Variants in AARS2 observed in about 807,000 individuals in gnomAD.
AARS2 encodes alanine--tRNA ligase, mitochondrial.
Under a neutral mutation model 119.7 loss-of-function variants are expected in AARS2, and 78 were observed. The observed-to-expected ratio is 0.65, with a 90% CI of 0.54 to 0.79. The LOEUF is 0.79. Ranked by LOEUF, AARS2 falls within the 30% of genes least tolerant of loss-of-function variation. The probability of loss-of-function intolerance (pLI) is 0.00; values close to 1 mark genes in which losing one functional copy is unlikely to be tolerated. For missense variants in AARS2, 1,157 were observed against 1,291.3 expected (o/e 0.90, Z 1.59); for synonymous variants, 502 against 526.3 (o/e 0.95, Z 0.63).
chr6:44,310,941 C>T, intron 4 of AARS2, 53 bp downstream of exon 4: 2 of 1,610,732 alleles, frequency 1.2e-6, no homozygotes, highest in Admixed American at 1.7e-5. Flanking sequence ...TTCTAATTGC[C>T]ACCTTTCCCA....
At position 44,313,205 on chromosome 6, in the gene AARS2, G is replaced by A. The variant is rs778971317; in HGVS notation, c.119C>T (p.Ser40Leu). ...LSSEPPAAKA[S>L]AVRAAFLNFF... ...GTTCAGAAAGGCGGCCCTCACGGCC[G>A]AGGCCTTGGCTGCAGGGGGCTCCGA... The change falls in exon 1 of 22, where the codon TCG becomes TTG. Residue 40 changes from serine (S) to leucine (L), a missense_variant. By Grantham distance (145) the Ser-to-Leu change is moderately radical. Coordinates refer to ENST00000244571, the MANE Select transcript of AARS2 (RefSeq NM_020745.4). The A allele has an allele frequency of 1.2e-6, 2 of 1,608,812 alleles. No homozygotes were observed. The highest frequency in any genetic ancestry group is 1.7e-6 in the Non-Finnish European group (2 of 1,178,550).
rs1785745387 is a variant in AARS2 at position 44,305,297 on chromosome 6, G to A, written c.1435-99C>T. The A allele has an allele frequency of 6.5e-7, 1 of 1,537,082 alleles. No individual in the cohort carries two copies. Among genetic ancestry groups the A allele is most frequent in the South Asian group, 1.1e-5 (1 of 88,844 alleles). ...GGCCCTGTCCCTGCCACACAGCTGT[G>A]GACTCTGCAGCCCTTCTGGAATAAG... On this transcript the variant is annotated intron_variant, in intron 10 of 21. Transcript: ENST00000244571. This position sits in a 1 kb window ranked among gnomAD's most constrained non-coding sequence, Gnocchi z 4.6.
At position 44,301,362 on chromosome 6, in the gene AARS2, C is replaced by G; in HGVS notation, c.2682+19G>C. 1.2e-6 allele frequency: 2 copies of G among 1,613,894 alleles called. No individual in the cohort carries two copies. The highest frequency in any genetic ancestry group is 1.7e-6 in the Non-Finnish European group (2 of 1,179,934). On this transcript the variant is annotated intron_variant, in intron 20 of 21. Coordinates refer to ENST00000244571, the MANE Select transcript of AARS2 (RefSeq NM_020745.4). ...GCCCTCCCCAGACCCTGGGGCAGCCCGGCTTGGCTAGCACTCACTGAGAGA... is the reference window on the plus strand; with the variant it reads ...GCCCTCCCCAGACCCTGGGGCAGCCGGGCTTGGCTAGCACTCACTGAGAGA...
At position 44,304,175 on chromosome 6, in the gene AARS2, G is replaced by T; in HGVS notation, c.2007+6C>A. ...CATGAAGCCTGTCTTTCTATGCCGG[G>T]CTCACCTGGGTGGTCACATCCAAGC... On this transcript the variant is annotated splice_donor_region_variant and intron_variant, in intron 14 of 21. Transcript: ENST00000244571. The T allele has an allele frequency of 6.2e-7, 1 of 1,613,108 alleles. No homozygotes were observed. The highest frequency in any genetic ancestry group is 8.5e-7 in the Non-Finnish European group (1 of 1,180,018).
chr6:44,305,088 C>A lies in AARS2; in HGVS notation c.1545G>T (p.Lys515Asn). ...CGCTGGGTCGCAGGGAGTAGTTGTA[C>A]TTGGGGCTGTCGTCAGTTGGGGGCA... ...QGVPPTDDSP[K>N]YNYSLRPSGS... is the part of the protein sequence containing the mutation. Residue 515 changes from lysine (K) to asparagine (N), a missense_variant, in exon 11 of 22, where the codon AAG (lysine) becomes AAT (asparagine). Transcript: ENST00000244571. This position sits in a 1 kb window ranked among gnomAD's most constrained non-coding sequence, Gnocchi z 4.6. 3 of 1,614,156 alleles carry A rather than the reference C, an allele frequency of 1.9e-6. No individual in the cohort carries two copies. Among genetic ancestry groups the A allele is most frequent in the Non-Finnish European group, 2.5e-6 (3 of 1,180,040 alleles).
At chr6:44,301,598 CAG>C in intron 19 of AARS2, 134 bp from the exon 20 acceptor site, 1 of 858,602 alleles carries the variant, frequency 1.2e-6, no homozygotes, top group Non-Finnish European at 1.9e-6. Flanking sequence ...TAGCTCTAGG[CAG>C]AGGTGGCAGG....
At position 44,299,177 on chromosome 6, in the gene AARS2, G is replaced by A. The variant is rs1194223961; in HGVS notation, c.*1370C>T. On this transcript the variant is annotated 3_prime_UTR_variant, in exon 22 of 22. Transcript: ENST00000244571. Reference sequence around the variant, plus strand: ...CTCCCTGCTCACATGTCACCTCTTGGTGAGGGAATATCACCATCCACACTC... The same window carrying A: ...CTCCCTGCTCACATGTCACCTCTTGATGAGGGAATATCACCATCCACACTC... Among the ~76,000 whole-genome samples the A allele has an allele frequency of 1.3e-5, 2 of 152,042 alleles. No homozygotes were observed. The highest frequency in any genetic ancestry group is 2.9e-5 in the Non-Finnish European group (2 of 68,026).
At chr6:44,308,037 C>T (rs567695206) in intron 5 of AARS2, among the ~76,000 whole-genome samples, 3 of 152,320 alleles carry the variant, frequency 2.0e-5, no homozygotes, top group Non-Finnish European at 2.9e-5. Flanking sequence ...TTCCCCTACC[C>T]GTCATGATCC....
At chr6:44,312,990 C>T (rs1007634331) in intron 1 of AARS2, 91 bp downstream of exon 1, 11 of 1,569,888 alleles carry the variant, frequency 7.0e-6, no homozygotes, top group South Asian at 1.1e-5. Context: ...CTACGAACTC[C>T]GCCTCTCGCT....
Position 44,313,234 on chromosome 6 carries a change from G to A in AARS2, c.90C>T (p.Leu30=), listed in dbSNP as rs1256170552. The A allele has an allele frequency of 1.3e-6, 2 of 1,593,528 alleles. No homozygotes were observed. Among genetic ancestry groups the A allele is most frequent in the Admixed American group, 1.7e-5 (1 of 57,408 alleles). Residue 30 remains leucine, a synonymous_variant, in exon 1 of 22, where the codon CTC becomes CTT. Coordinates refer to ENST00000244571, the MANE Select transcript of AARS2 (RefSeq NM_020745.4). ...PAWRGLSHRP[L]SSEPPAAKAS... ...CCTTGGCTGCAGGGGGCTCCGATGA[G>A]AGCGGCCGATGGCTGAGGCCCCGCC...
rs776944506 is a variant in AARS2 at position 44,300,656 on chromosome 6, A to G, written c.2849T>C (p.Met950Thr). ...EAWALAVCSHMGGKAWGSRVV... is the reference protein window; with the variant it reads ...EAWALAVCSHTGGKAWGSRVV... ...TCGTGAGCCCCACGCCTTGCCCCCCATGTGGCTGCACACTGCCAGTGCCCA... is the reference window on the plus strand; with the variant it reads ...TCGTGAGCCCCACGCCTTGCCCCCCGTGTGGCTGCACACTGCCAGTGCCCA... Residue 950 changes from methionine to threonine, a missense_variant, in exon 22 of 22, where the codon ATG becomes ACG. By Grantham distance (81) the Met-to-Thr change is moderately conservative. Transcript: ENST00000244571. The G allele has an allele frequency of 6.2e-7, 1 of 1,613,804 alleles. No individual in the cohort carries two copies. Among genetic ancestry groups the G allele is most frequent in the Non-Finnish European group, 8.5e-7 (1 of 1,180,020 alleles).
At chr6:44,306,134 T>G (rs1406683278) in intron 9 of AARS2, 146 bp downstream of exon 9, 1 of 819,792 alleles carries the variant, frequency 1.2e-6, no homozygotes, top group African/African-American at 1.7e-5. Flanking sequence ...GGGGTCTGGG[T>G]ATGGAAGGAG....
intron 4 of AARS2, 22 bp downstream of exon 4, chr6:44,310,972 T>C (rs1254889213): frequency 1.2e-6 from 2 of 1,613,722 alleles, no homozygotes; most frequent in Admixed American, 1.7e-5. Flanking sequence ...GGGATTCTCA[T>C]CCTGCTTCAG....
rs797003235 is a variant in AARS2 at position 44,305,194 on chromosome 6, C to T, written c.1439G>A (p.Arg480Gln). 18 of 1,611,802 alleles carry T rather than the reference C, an allele frequency of 1.1e-5. No individual in the cohort carries two copies. Among genetic ancestry groups the T allele is most frequent in the South Asian group, 2.2e-5 (2 of 91,024 alleles). ...CTGAACTGGCTCAGCCTGCCGTGCCCGGTGCTGCAGGGTGGGCATGGGCAT... is the reference window on the plus strand; with the variant it reads ...CTGAACTGGCTCAGCCTGCCGTGCCTGGTGCTGCAGGGTGGGCATGGGCAT... ...ERLAQEEAQH[R>Q]ARQAEPVQKQ... Residue 480 changes from arginine to glutamine, a missense_variant, in exon 11 of 22, where the codon CGG becomes CAG. Arg to Gln is a conservative substitution (Grantham distance 43). Coordinates refer to ENST00000244571, the MANE Select transcript of AARS2 (RefSeq NM_020745.4). This position sits in a 1 kb window ranked among gnomAD's most constrained non-coding sequence, Gnocchi z 4.6.
intron 5 of AARS2, among the ~76,000 whole-genome samples, chr6:44,308,892 G>A (rs1017453746): frequency 3.3e-5 from 5 of 152,070 alleles, no homozygotes; most frequent in Non-Finnish European, 7.3e-5. Flanking sequence ...GTGAGCCACC[G>A]TGCCCAGCCC....
Position 44,301,463 on chromosome 6 carries a change from G to A in AARS2, c.2600C>T (p.Ala867Val), listed in dbSNP as rs140373715. The stretch of plus-strand genomic sequence containing the variant: ...CAGCAGCTCCTGAGTTTTCTTTGCA[G>A]CCTATGGGGCAGGAAGGACAAGCAG... ...TAIRKLQMGQ[A>V]AKKTQELLER... The change falls in exon 20 of 22, where the codon GCT (alanine) becomes GTT (valine). Residue 867 changes from alanine to valine, a missense_variant and splice_region_variant. Transcript: ENST00000244571. 9.3e-6 allele frequency: 15 copies of A among 1,612,570 alleles called. No homozygotes were observed. In the African/African-American group the frequency reaches 1.5e-4, roughly 16 times the overall value.
At chr6:44,306,798 T>C in intron 7 of AARS2, 125 bp downstream of exon 7, 1 of 942,122 alleles carries the variant, frequency 1.1e-6, no homozygotes, top group Middle Eastern at 2.6e-4. Context: ...GCTGATAGGA[T>C]GCTGGGCTCG....
rs1785127278 is a variant in AARS2 at position 44,298,819 on chromosome 6, G to C, written c.*1728C>G. 6.6e-6 allele frequency among the ~76,000 whole-genome samples: 1 copy of C among 152,168 alleles called. No individual in the cohort carries two copies. Among genetic ancestry groups the C allele is most frequent in the Non-Finnish European group, 1.5e-5 (1 of 68,026 alleles). On this transcript the variant is annotated 3_prime_UTR_variant, in exon 22 of 22. Transcript: ENST00000244571. ...CCCCTGAGGCCCTTTCCTTCATCTA[G>C]CAACAGAGATCTAGGAACAAAGGCA... is the stretch of plus-strand genomic sequence containing the variant.
In AARS2 at chr6:44,302,422, C is replaced by T. The variant is rs1785438287; in HGVS notation, c.2456G>A (p.Arg819Lys). The T allele has an allele frequency of 6.2e-7, 1 of 1,614,014 alleles. No individual in the cohort carries two copies. Among genetic ancestry groups the T allele is most frequent in the Admixed American group, 1.7e-5 (1 of 60,008 alleles). The change falls in exon 18 of 22, where the codon AGG (arginine) becomes AAG (lysine). Residue 819 changes from arginine to lysine, a missense_variant. Physicochemically the swap from Arg to Lys is conservative, Grantham distance 26. Coordinates refer to ENST00000244571, the MANE Select transcript of AARS2 (RefSeq NM_020745.4). ...GAGTCGTCCTATGTCCTTGGACAGC[C>T]TCAGTGCCTCCGCCACATCCCGGCT... ...LGSRDVAEAL[R>K]LSKDIGRLIE... is the part of the protein sequence containing the mutation.
Sources: allele counts gnomAD v4.1 joint callset (sites outside exome capture counted in the v4.1 genomes callset), GRCh38; gene constraint gnomAD v4.1.1; non-coding constraint Gnocchi (gnomAD v3.1); transcripts MANE v1.5; gene names NCBI Gene and HGNC (gene_info 2026-07-23, HGNC 2026-07-21).